The following MAP4K4 variants were observed in gnomAD, a reference collection of about 807,000 sequenced individuals.
MAP4K4 encodes the protein HPK/GCK-like kinase HGK.
MAP4K4 carries 38 observed loss-of-function variants against 189.6 expected under a neutral mutation model. That is an observed-to-expected ratio of 0.20 (90% CI 0.15 to 0.26). The LOEUF (loss-of-function observed/expected upper bound fraction) is 0.26. MAP4K4 is among the 10% of genes least tolerant of loss of function. MAP4K4 has a pLI of 1.00. For synonymous variants in MAP4K4, 610 were observed against 624.3 expected, an observed-to-expected ratio of 0.98 and a Z score of 0.34; for missense variants, 1,054 against 1,726.9, an observed-to-expected ratio of 0.61 and a Z score of 6.91.
chr2:101,721,860 A>G (rs1433071567), intron 2 of MAP4K4, among the ~76,000 whole-genome samples: 1 of 152,188 alleles, frequency 6.6e-6, no homozygotes, highest in African/African-American at 2.4e-5. Context: ...TAGCAAATAT[A>G]ATATTTAGAG....
intron 12 of MAP4K4, among the ~76,000 whole-genome samples, chr2:101,852,192 C>A (rs1375145373): frequency 6.7e-6 from 1 of 150,300 alleles, no homozygotes; most frequent in African/African-American, 2.4e-5. Flanking sequence ...ATAATTAAAT[C>A]TCAAGACTTC....
chr2:101,868,184 GTTTTC>G, intron 21 of MAP4K4, 147 bp downstream of exon 21: 1 of 845,776 alleles, frequency 1.2e-6, no homozygotes. Context: ...CTTTACTCCA[GTTTTC>G]TTAACATAAC....
At chr2:101,808,721 GA>G (rs545730311) in intron 3 of MAP4K4, among the ~76,000 whole-genome samples, 5 of 151,926 alleles carry the variant, frequency 3.3e-5, no homozygotes, top group Non-Finnish European at 1.5e-5. Context: ...GTAAAAAGAT[GA>G]AAAAAATTAC....
At chr2:101,893,861 G>A (rs1166047236) in exon 33 of MAP4K4, 3 of 152,686 alleles carry the variant, frequency 2.0e-5, no homozygotes, top group African/African-American at 7.2e-5. Context: ...GGGCACTCTG[G>A]TGGTGTTTGT....
chr2:101,799,675 C>T (rs1461801451), intron 3 of MAP4K4, among the ~76,000 whole-genome samples: 1 of 151,622 alleles, frequency 6.6e-6, no homozygotes, highest in South Asian at 2.1e-4. Context: ...CATCCGGGTT[C>T]ACTGCAGCCT....
chr2:101,795,977 A>C (rs1264267918), intron 3 of MAP4K4, among the ~76,000 whole-genome samples: 1 of 152,228 alleles, frequency 6.6e-6, no homozygotes, highest in Non-Finnish European at 1.5e-5. Context: ...GCTTTGGATA[A>C]ATCAAGGACA....
chr2:101,866,642 A>C, intron 19 of MAP4K4, 63 bp downstream of exon 19: 2 of 1,578,026 alleles, frequency 1.3e-6, no homozygotes, highest in Non-Finnish European at 1.7e-6. Flanking sequence ...ATATCTTGGA[A>C]GTTTGTCTTA....
At chr2:101,826,816 T>C (rs948738942) in intron 5 of MAP4K4, among the ~76,000 whole-genome samples, 1 of 152,214 alleles carries the variant, frequency 6.6e-6, no homozygotes, top group Admixed American at 6.5e-5. Flanking sequence ...AGTTAGTGTA[T>C]ATTAATCATC....
chr2:101,822,114 CT>C (rs912410835), intron 3 of MAP4K4, among the ~76,000 whole-genome samples: 3 of 151,962 alleles, frequency 2.0e-5, no homozygotes, highest in Non-Finnish European at 2.9e-5. Context: ...TGTAAGTTGA[CT>C]TTTTTTTGTT....
At position 101,874,283 on chromosome 2, in the gene MAP4K4, C is replaced by A. The variant is rs757310079; in HGVS notation, c.3241+31C>A. On this transcript the variant is annotated intron_variant, in intron 26 of 32. Coordinates refer to ENST00000324219, the Ensembl canonical transcript of MAP4K4. ...TGTCTAGCCACTACTCCAACACTTT[C>A]ATTTTTGTTCTGAGTGGTGGCTGGT... is the stretch of plus-strand genomic sequence containing the variant. 2.7e-5 allele frequency: 42 copies of A among 1,575,852 alleles called. 1 individual carries two copies. In the Admixed American group the frequency reaches 7.7e-4, roughly 29 times the overall value.
At chr2:101,760,173 T>G (rs1275888946) in intron 2 of MAP4K4, among the ~76,000 whole-genome samples, 1 of 151,756 alleles carries the variant, frequency 6.6e-6, no homozygotes, top group Non-Finnish European at 1.5e-5. Flanking sequence ...TTTTTTAGAT[T>G]TAGACAATAT....
intron 6 of MAP4K4, among the ~76,000 whole-genome samples, chr2:101,830,760 A>ATC (rs1018410126): frequency 2.2e-4 from 34 of 152,206 alleles, no homozygotes; most frequent in African/African-American, 7.7e-4. Context: ...TCCCTGAGCG[A>ATC]TCACTTAGTG....
Position 101,834,392 on chromosome 2 carries a change from C to G in MAP4K4, c.640-17C>G. Reference sequence around the variant, plus strand: ...TATCTACTCCAGTATCTGTAACGTACTGTTTTATTTTTGCAGAGTGATCTT... The same window carrying G: ...TATCTACTCCAGTATCTGTAACGTAGTGTTTTATTTTTGCAGAGTGATCTT... On this transcript the variant is annotated splice_polypyrimidine_tract_variant and intron_variant, in intron 7 of 32. Transcript: ENST00000324219. The G allele has an allele frequency of 6.3e-7, 1 of 1,591,214 alleles. No individual in the cohort carries two copies. The highest frequency in any genetic ancestry group is 8.6e-7 in the Non-Finnish European group (1 of 1,164,742).
intron 22 of MAP4K4, 166 bp downstream of exon 22, chr2:101,869,963 G>T: frequency 1.1e-6 from 1 of 875,162 alleles, no homozygotes; most frequent in Non-Finnish European, 1.7e-6. Flanking sequence ...CTCTTCGTTG[G>T]TGTGTGCATA....
chr2:101,768,299 G>C (rs2079610778), intron 2 of MAP4K4, among the ~76,000 whole-genome samples: 1 of 152,158 alleles, frequency 6.6e-6, no homozygotes, highest in African/African-American at 2.4e-5. Context: ...GGAAGTAACT[G>C]AGCATCGTGA....
intron 2 of MAP4K4, among the ~76,000 whole-genome samples, chr2:101,738,059 A>G (rs963169267): frequency 2.6e-5 from 4 of 152,152 alleles, no homozygotes; most frequent in Non-Finnish European, 1.5e-5. Context: ...CTCAGGACCT[A>G]TTTCTGGACC....
chr2:101,880,618 C>T (rs1171177921), intron 27 of MAP4K4, among the ~76,000 whole-genome samples: 1 of 151,792 alleles, frequency 6.6e-6, no homozygotes, highest in African/African-American at 2.4e-5. Context: ...AAGCAATTCT[C>T]CTGCCTCAGC....
intron 3 of MAP4K4, among the ~76,000 whole-genome samples, chr2:101,817,456 T>C (rs1344539881): frequency 6.6e-6 from 1 of 152,052 alleles, no homozygotes; most frequent in African/African-American, 2.4e-5. Flanking sequence ...TAGAAGAAAA[T>C]AGAATGAACT....
chr2:101,787,153 A>C (rs905178172), intron 2 of MAP4K4, among the ~76,000 whole-genome samples: 1 of 152,204 alleles, frequency 6.6e-6, no homozygotes, highest in Admixed American at 6.5e-5. Context: ...CTCTCCATGC[A>C]CAAGTTAGGT....
Sources: gnomAD v4.1 joint callset for allele counts (sites outside exome capture counted in the v4.1 genomes callset) on GRCh38, gnomAD v4.1.1 for gene constraint, MANE v1.5 for transcripts, NCBI Gene and HGNC (gene_info 2026-07-23, HGNC 2026-07-21) for gene names.